AASS: variants seen among roughly 807,000 people sequenced by gnomAD.
AASS encodes the protein alpha-aminoadipic semialdehyde synthase, mitochondrial.
Under a neutral mutation model 105.4 loss-of-function variants are expected in AASS, and 86 were observed. That is an observed-to-expected ratio of 0.82 (90% CI 0.69 to 0.98). The LOEUF is 0.98. Among genes scored for constraint, AASS ranks in the 50% least tolerant of loss-of-function variants. The pLI is 0.00. For missense variants in AASS, 1,048 were observed against 1,143.2 expected, an observed-to-expected ratio of 0.92 and a Z score of 1.20; for synonymous variants, 381 against 394.8, an observed-to-expected ratio of 0.96 and a Z score of 0.41.
chr7:122,114,998 G>A lies in AASS; in HGVS notation c.1043+76C>T, dbSNP rs1333808623. 4 of 1,595,468 alleles carry A rather than the reference G, an allele frequency of 2.5e-6. No individual in the cohort carries two copies. The African/African-American group carries it at 4.0e-5, about 16-fold the overall frequency. On this transcript the variant is annotated intron_variant, in intron 9 of 23. Coordinates refer to ENST00000417368, the MANE Select transcript of AASS (RefSeq NM_005763.4). The stretch of plus-strand genomic sequence containing the variant: ...GTAGTCATTAGAAATCAAGTCCTCT[G>A]ATATGTGATATTTGATCCTCTAATA...
intron 1 of AASS, among the ~76,000 whole-genome samples, chr7:122,143,143 C>A (rs931417391): frequency 5.9e-5 from 9 of 152,068 alleles, no homozygotes; most frequent in African/African-American, 2.2e-4. Flanking sequence ...AAAGTGCCAT[C>A]AGTGTTTTGG....
At position 122,073,665 on chromosome 7, in the gene AASS, C is replaced by T. The variant is rs930582175; in HGVS notation, c.*2824G>A. On this transcript the variant is annotated 3_prime_UTR_variant, in exon 24 of 24. Transcript: ENST00000417368. ...ATATTCAGAGTTGTGCCACCATTAC[C>T]ACAATCAACTTTACAACGTTTACAT... Among the ~76,000 whole-genome samples the T allele has an allele frequency of 6.6e-6, 1 of 152,052 alleles. No homozygotes were observed. The highest frequency in any genetic ancestry group is 1.5e-5 in the Non-Finnish European group (1 of 68,004).
intron 11 of AASS, among the ~76,000 whole-genome samples, chr7:122,112,328 G>A (rs1467840347): frequency 6.6e-6 from 1 of 152,120 alleles, no homozygotes; most frequent in African/African-American, 2.4e-5. Flanking sequence ...ATTTTCTCAA[G>A]CCTGCTACAT....
Position 122,095,187 on chromosome 7 carries a change from G to T in AASS, c.1656-2029C>A, listed in dbSNP as rs532917221. On this transcript the variant is annotated intron_variant, in intron 15 of 23. Transcript: ENST00000417368. Reference sequence around the variant, plus strand: ...CAGGAAGGGTCCACGGAGGAGACAGGCTTTAACGGTGTTGATCAGTGTAAA... The same window carrying T: ...CAGGAAGGGTCCACGGAGGAGACAGTCTTTAACGGTGTTGATCAGTGTAAA... Among the ~76,000 whole-genome samples the T allele has an allele frequency of 2.0e-5, 3 of 152,082 alleles. No individual in the cohort carries two copies. In the East Asian group the frequency reaches 5.9e-4, roughly 30 times the overall value.
intron 15 of AASS, among the ~76,000 whole-genome samples, chr7:122,097,021 A>G (rs1234011924): frequency 6.6e-6 from 1 of 152,152 alleles, no homozygotes; most frequent in Non-Finnish European, 1.5e-5. Flanking sequence ...GTTGGTCATT[A>G]GTCAATTTTT....
chr7:122,131,423 T>A (rs1795912635), intron 2 of AASS, among the ~76,000 whole-genome samples: 1 of 151,856 alleles, frequency 6.6e-6, no homozygotes, highest in African/African-American at 2.4e-5. Flanking sequence ...CTGACACTAT[T>A]TATACATATC....
chr7:122,113,279 G>A (rs768571671), intron 10 of AASS, 50 bp from the exon 11 acceptor site: 5 of 1,523,414 alleles, frequency 3.3e-6, no homozygotes, highest in Non-Finnish European at 3.6e-6. Context: ...TTATTTGTAA[G>A]TTCTGACTTT....
rs73442824 is a variant in AASS at position 122,091,610 on chromosome 7, C to T, written c.2016+93G>A. ...GAGATAATGGAGACAGGCAGCATCA[C>T]CATTATTAAAGGGTTTGGGATCAGG... On this transcript the variant is annotated intron_variant, in intron 18 of 23. Transcript: ENST00000417368. The T allele has an allele frequency of 8.8e-4, 1,397 of 1,583,892 alleles. 12 individuals carry two copies. In the African/African-American group the frequency reaches 0.016, roughly 18 times the overall value.
intron 11 of AASS, among the ~76,000 whole-genome samples, chr7:122,103,246 A>C (rs1234635428): frequency 6.6e-6 from 1 of 152,102 alleles, no homozygotes; most frequent in Non-Finnish European, 1.5e-5. Flanking sequence ...GGGAATCTCC[A>C]TTAGACTATC....
intron 22 of AASS, 127 bp from the exon 23 acceptor site, chr7:122,078,141 T>A: frequency 1.1e-6 from 1 of 882,666 alleles, no homozygotes; most frequent in South Asian, 1.4e-5. Flanking sequence ...TAGACAATTA[T>A]TTACACAGCT....
chr7:122,141,777 A>C (rs1386037044), intron 1 of AASS, among the ~76,000 whole-genome samples: 3 of 152,142 alleles, frequency 2.0e-5, no homozygotes, highest in Non-Finnish European at 4.4e-5. Context: ...GCTGGGACAC[A>C]TAACTAGATG....
At chr7:122,123,188 A>G (rs1449954679) in intron 4 of AASS, among the ~76,000 whole-genome samples, 1 of 152,174 alleles carries the variant, frequency 6.6e-6, no homozygotes, top group Non-Finnish European at 1.5e-5. Context: ...TATTTCTGGA[A>G]CACCATTTCT....
At chr7:122,115,494 G>A (rs987091479) in intron 8 of AASS, among the ~76,000 whole-genome samples, 1 of 152,014 alleles carries the variant, frequency 6.6e-6, no homozygotes, top group African/African-American at 2.4e-5. Flanking sequence ...GAAGAAAAAT[G>A]AAAGGACAAA....
chr7:122,127,833 C>A (rs1795725754), intron 3 of AASS, among the ~76,000 whole-genome samples: 1 of 152,072 alleles, frequency 6.6e-6, no homozygotes, highest in Non-Finnish European at 1.5e-5. Flanking sequence ...TAGACACCAC[C>A]TGGTCTCTCA....
Position 122,116,965 on chromosome 7 carries a change from T to G in AASS, c.688-8A>C. On this transcript the variant is annotated splice_region_variant and splice_polypyrimidine_tract_variant and intron_variant, in intron 6 of 23. Transcript: ENST00000417368. The stretch of plus-strand genomic sequence containing the variant: ...AAAGATTGCTTGGGCTCCCTACAAA[T>G]AACACATGAGTAAAAATCCAAAAAT... 6.2e-7 allele frequency: 1 copy of G among 1,612,028 alleles called. No individual in the cohort carries two copies. Among genetic ancestry groups the G allele is most frequent in the Non-Finnish European group, 8.5e-7 (1 of 1,178,566 alleles).
Position 122,098,529 on chromosome 7 carries a change from T to C in AASS, c.1576A>G (p.Ile526Val). 1 of 1,611,118 alleles carries C rather than the reference T, an allele frequency of 6.2e-7. No homozygotes were observed. Among genetic ancestry groups the C allele is most frequent in the Admixed American group, 1.7e-5 (1 of 59,768 alleles). ...CAAATGTCCATGCTAACAGGATTAA[T>C]ATTATATTTCTTGCCTAACTGTTCA... ...QIEQLGKKYN[I>V]NPVSMDICKQ... The change falls in exon 15 of 24, where the codon ATT (isoleucine) becomes GTT (valine). Residue 526 changes from isoleucine (I) to valine (V), a missense_variant. Transcript: ENST00000417368.
rs936660779 is a variant in AASS at position 122,114,938 on chromosome 7, T to C, written c.1043+136A>G. The stretch of plus-strand genomic sequence containing the variant: ...AGGAGAGATGGTTAACAGTGTTGAG[T>C]ACTGCCAAGAGGTCAAGAAAGATAA... On this transcript the variant is annotated intron_variant, in intron 9 of 23. Transcript: ENST00000417368. The C allele has an allele frequency of 1.2e-5, 14 of 1,139,814 alleles. No individual in the cohort carries two copies. The Admixed American group carries it at 2.4e-4, about 20-fold the overall frequency. The allele number at this position is 1,139,814 out of a possible 1,614,324, so 70.6% of individuals were successfully genotyped here. A position where few individuals can be genotyped will look rare whatever the true frequency, so the allele number is the denominator to read the frequency against.
intron 9 of AASS, among the ~76,000 whole-genome samples, chr7:122,114,233 A>T (rs562181300): frequency 6.6e-6 from 1 of 152,324 alleles, no homozygotes; most frequent in African/African-American, 2.4e-5. Context: ...TGACACATTC[A>T]GCACCCTAAA....
At chr7:122,086,518 T>A (rs1234501842) in intron 18 of AASS, among the ~76,000 whole-genome samples, 1 of 151,318 alleles carries the variant, frequency 6.6e-6, no homozygotes, top group Non-Finnish European at 1.5e-5. Context: ...AGAAAAAAAA[T>A]TTAAAATAAA....
Sources: gnomAD v4.1 joint callset for allele counts (sites outside exome capture counted in the v4.1 genomes callset) on GRCh38, gnomAD v4.1.1 for gene constraint, MANE v1.5 for transcripts, NCBI Gene and HGNC (gene_info 2026-07-23, HGNC 2026-07-21) for gene names.